Variants in SSBP1 observed in about 807,000 individuals in gnomAD.
SSBP1 encodes single stranded DNA binding protein 1.
In SSBP1, 20 loss-of-function variants were observed where a neutral mutation model predicts 27.0. The ratio of observed to expected loss-of-function variants is 0.74; its 90% CI spans 0.52 to 1.08. SSBP1 has a LOEUF of 1.08. Among genes scored for constraint, SSBP1 ranks in the 50% least tolerant of loss-of-function variants. SSBP1 has a pLI of 0.00. For synonymous variants in SSBP1, 59 were observed against 59.3 expected (o/e 1.00, Z 0.02); for missense variants, 137 against 182.4 (o/e 0.75, Z 1.44).
rs764409380 is a variant in SSBP1 at position 141,739,207 on chromosome 7, A to G, written c.24+17A>G. The stretch of plus-strand genomic sequence containing the variant: ...GTATTACAGGTAGTCACTTGTCTGT[A>G]TTAATACTGAGATGTATTACTATCA... On this transcript the variant is annotated intron_variant, in intron 2 of 6. Coordinates refer to ENST00000265304, the MANE Select transcript of SSBP1 (RefSeq NM_003143.3). 7.6e-6 allele frequency: 12 copies of G among 1,581,612 alleles called. No individual in the cohort carries two copies. Among genetic ancestry groups the G allele is most frequent in the African/African-American group, 6.8e-5 (5 of 73,618 alleles).
intron 5 of SSBP1, 114 bp downstream of exon 5, chr7:141,744,103 G>C (rs552043074): frequency 1.2e-6 from 1 of 859,054 alleles, no homozygotes; most frequent in African/African-American, 1.7e-5. Context: ...ACTAATGACT[G>C]TATTAATTTA....
At chr7:141,747,866 T>C (rs186191058) in intron 6 of SSBP1, among the ~76,000 whole-genome samples, 182 of 151,030 alleles carry the variant, frequency 1.2e-3, no homozygotes, top group African/African-American at 4.1e-3. Context: ...GGTCTAGTAA[T>C]GCGTGTCTGT....
intron 6 of SSBP1, among the ~76,000 whole-genome samples, chr7:141,748,225 G>T (rs532346490): frequency 4.1e-4 from 62 of 151,964 alleles, no homozygotes; most frequent in Non-Finnish European, 6.6e-4. Context: ...TAAAAGATAA[G>T]GTGTCTTTTT....
intron 3 of SSBP1, 146 bp from the exon 4 acceptor site, chr7:141,743,415 T>C: frequency 1.1e-6 from 1 of 887,416 alleles, no homozygotes; most frequent in Non-Finnish European, 1.7e-6. Context: ...CATGACGTCA[T>C]CTAAGCCTAA....
At chr7:141,742,305 T>G (rs1488767435) in intron 3 of SSBP1, 76 bp downstream of exon 3, 4 of 1,143,346 alleles carry the variant, frequency 3.5e-6, no homozygotes, top group Non-Finnish European at 5.2e-6. Flanking sequence ...AGAAGAGGTA[T>G]GCTGCTTGGG....
intron 3 of SSBP1, among the ~76,000 whole-genome samples, chr7:141,742,725 C>T (rs1049055901): frequency 1.3e-5 from 2 of 152,206 alleles, no homozygotes; most frequent in African/African-American, 2.4e-5. Context: ...TCTCTTCTCT[C>T]GCAACCTCTC....
rs1401326996 is a variant in SSBP1, at chr7:141,745,500, C to T, written c.319C>T (p.Arg107Ter). The T allele has an allele frequency of 6.3e-7, 1 of 1,591,236 alleles. No homozygotes were observed. The highest frequency in any genetic ancestry group is 8.5e-7 in the Non-Finnish European group (1 of 1,170,066). Reference protein sequence around the residue: ...VAYQYVKKGSRIYLEGKIDYG... With the variant: ...VAYQYVKKGS ...TGTACATTTTATTTATATCAGGTCT[C>T]GAATTTATTTGGAAGGGAAAATAGA... Residue 107 changes from arginine to a stop codon, truncating the protein, a stop_gained, in exon 6 of 7, where the codon CGA (arginine) becomes TGA (stop). Coordinates refer to ENST00000265304, the MANE Select transcript of SSBP1 (RefSeq NM_003143.3). LOFTEE classifies it high-confidence loss of function.
At chr7:141,745,777 A>G in intron 6 of SSBP1, 193 bp downstream of exon 6, 1 of 1,325,516 alleles carries the variant, frequency 7.5e-7, no homozygotes, top group Non-Finnish European at 9.7e-7. Flanking sequence ...TTAAAAAATT[A>G]TTTTTATACT....
At chr7:141,747,402 T>TTG (rs1799824935) in intron 6 of SSBP1, among the ~76,000 whole-genome samples, 3 of 148,138 alleles carry the variant, frequency 2.0e-5, no homozygotes, top group Middle Eastern at 3.2e-3. Flanking sequence ...TTTTTTTTTT[T>TTG]TTTTTGAGAC....
At chr7:141,744,045 A>G in intron 5 of SSBP1, 56 bp downstream of exon 5, 1 of 1,501,966 alleles carries the variant, frequency 6.7e-7, no homozygotes. Flanking sequence ...ACCGATAAGA[A>G]GTGTTCTCAT....
intron 6 of SSBP1, among the ~76,000 whole-genome samples, chr7:141,749,113 TA>T (rs1799882441): frequency 6.6e-6 from 1 of 152,146 alleles, no homozygotes; most frequent in Non-Finnish European, 1.5e-5. Flanking sequence ...CCAATAAAAA[TA>T]ATACAACAAC....
chr7:141,744,179 A>G lies in SSBP1; in HGVS notation c.314+190A>G, dbSNP rs74783578. On this transcript the variant is annotated intron_variant, in intron 5 of 6. Transcript: ENST00000265304. ...GTTGCCATGTGTGACTAATTTGAAG[A>G]TATATAAAACATAGTTTTAGCTTTC... 6.6e-3 allele frequency among the ~76,000 whole-genome samples: 1,009 copies of G among 152,338 alleles called. 11 individuals are homozygous for G. The highest frequency in any genetic ancestry group is 0.024 in the East Asian group (126 of 5,186).
chr7:141,749,329 A>G (rs899652494), intron 6 of SSBP1, among the ~76,000 whole-genome samples: 3 of 152,336 alleles, frequency 2.0e-5, no homozygotes, highest in Middle Eastern at 3.4e-3. Flanking sequence ...CAGTCCCCCA[A>G]TGGATACTGA....
chr7:141,749,832 T>C (rs1466627455), intron 6 of SSBP1, among the ~76,000 whole-genome samples: 3 of 152,232 alleles, frequency 2.0e-5, no homozygotes, highest in Admixed American at 6.5e-5. Context: ...AAATTTCTTC[T>C]ATTTGAATTT....
At chr7:141,743,278 A>G (rs1437300075) in intron 3 of SSBP1, among the ~76,000 whole-genome samples, 1 of 152,238 alleles carries the variant, frequency 6.6e-6, no homozygotes, top group Admixed American at 6.5e-5. Flanking sequence ...TTCGTGTGCC[A>G]GTATGATTGA....
intron 5 of SSBP1, among the ~76,000 whole-genome samples, chr7:141,744,673 AACTGTATAG>A (rs1799705583): frequency 6.6e-6 from 1 of 152,230 alleles, no homozygotes. Context: ...TCTTTTCAAT[AACTGTATAG>A]CTTTTCTTCC....
In SSBP1 at chr7:141,745,526, CTA is replaced by C. The variant is rs1799747943; in HGVS notation, c.347_348del (p.Tyr116TrpfsTer2). 1 of 1,607,128 alleles carries C rather than the reference CTA, an allele frequency of 6.2e-7. No individual in the cohort carries two copies. The highest frequency in any genetic ancestry group is 8.5e-7 in the Non-Finnish European group (1 of 1,176,458). ...GAATTTATTTGGAAGGGAAAATAGACTATGGTGAATACATGGATAAAAATAAT... is the reference window on the plus strand; with the variant it reads ...GAATTTATTTGGAAGGGAAAATAGACTGGTGAATACATGGATAAAAATAAT... ...SRIYLEGKID[Y>X]GEYMDKNNVR... On this transcript the variant is annotated frameshift_variant, in exon 6 of 7. Coordinates refer to ENST00000265304, the MANE Select transcript of SSBP1 (RefSeq NM_003143.3). LOFTEE classifies it high-confidence loss of function.
intron 6 of SSBP1, among the ~76,000 whole-genome samples, chr7:141,748,741 T>C (rs2117196862): frequency 6.6e-6 from 1 of 152,352 alleles, no homozygotes. Context: ...TGAAGAGCTC[T>C]TCAGTGACAT....
chr7:141,745,999 T>A, intron 6 of SSBP1: 1 of 988,944 alleles, frequency 1.0e-6, no homozygotes, highest in Non-Finnish European at 1.2e-6. Flanking sequence ...TATGTGAAAT[T>A]TCTATTTGAA....
Sources: allele counts gnomAD v4.1 joint callset (sites outside exome capture counted in the v4.1 genomes callset), GRCh38; gene constraint gnomAD v4.1.1; transcripts MANE v1.5; gene names NCBI Gene and HGNC (gene_info 2026-07-23, HGNC 2026-07-21).